TTC39B: variants seen among roughly 807,000 people sequenced by gnomAD.
The protein encoded by TTC39B is tetratricopeptide repeat domain 39B, also known as tetratricopeptide repeat protein 39B.
Under a neutral mutation model 96.6 loss-of-function variants are expected in TTC39B, and 92 were observed. The observed-to-expected ratio is 0.95, with a 90% CI of 0.80 to 1.13. The LOEUF is 1.13. Ranked by LOEUF, TTC39B falls within the 50% of genes most tolerant of loss-of-function variation. The probability of loss-of-function intolerance (pLI) is 0.00; values close to 1 mark genes in which losing one functional copy is unlikely to be tolerated. For missense variants in TTC39B, 955 were observed against 809.3 expected, an observed-to-expected ratio of 1.18 and a Z score of -2.18; for synonymous variants, 367 against 299.4, an observed-to-expected ratio of 1.23 and a Z score of -2.33.
chr9:15,252,109 T>C (rs1822582912), intron 2 of TTC39B, among the ~76,000 whole-genome samples: 1 of 152,138 alleles, frequency 6.6e-6, no homozygotes, highest in Admixed American at 6.5e-5. Context: ...AAGTTCAGGC[T>C]TTTTCAAGGA....
intron 2 of TTC39B, among the ~76,000 whole-genome samples, chr9:15,228,462 C>T (rs1023551004): frequency 6.7e-6 from 1 of 149,146 alleles, no homozygotes; most frequent in Non-Finnish European, 1.5e-5. Flanking sequence ...GACACTCCAT[C>T]TCAAAAAATA....
chr9:15,263,000 C>CA (rs2131540138), intron 2 of TTC39B, among the ~76,000 whole-genome samples: 1 of 152,276 alleles, frequency 6.6e-6, no homozygotes, highest in African/African-American at 2.4e-5. Flanking sequence ...TTAGGACAAA[C>CA]AAAAAGTTCA....
At chr9:15,187,972 T>G (rs1223053366) in exon 14 of TTC39B, 1 of 1,584,094 alleles carries the variant, frequency 6.3e-7, no homozygotes, top group Non-Finnish European at 8.6e-7. Flanking sequence ...GCACTTTACC[T>G]TGGACCATTT....
chr9:15,167,001 TATATATATATATATATA>T (rs1564299722), exon 20 of TTC39B: 185 of 10,680 alleles, frequency 0.017, 28 homozygotes, highest in Non-Finnish European at 0.02. Context: ...TATATATATA[TATATATATATATATATA>T]TATATATATA....
intron 6 of TTC39B, among the ~76,000 whole-genome samples, chr9:15,205,398 C>T (rs896301957): frequency 6.6e-6 from 1 of 152,114 alleles, no homozygotes; most frequent in Admixed American, 6.5e-5. Flanking sequence ...GCCACCCCCA[C>T]CCTACACACA....
intron 8 of TTC39B, among the ~76,000 whole-genome samples, chr9:15,193,686 A>G (rs1485862588): frequency 2.6e-5 from 4 of 152,162 alleles, no homozygotes; most frequent in Admixed American, 2.6e-4. Context: ...AGCTCAATCA[A>G]TTTCTTCTGA....
intron 17 of TTC39B, 56 bp downstream of exon 17, chr9:15,182,251 G>A (rs1588850648): frequency 9.9e-6 from 11 of 1,106,484 alleles, no homozygotes; most frequent in East Asian, 2.5e-5. Flanking sequence ...GAAAAGACAG[G>A]AGAGCAGTCA....
chr9:15,171,415 C>T (rs1035960301), exon 20 of TTC39B: 1 of 152,040 alleles, frequency 6.6e-6, no homozygotes, highest in African/African-American at 2.4e-5. Flanking sequence ...CACCTTTAAT[C>T]AAATGAAGAG....
At position 15,306,119 on chromosome 9, in the gene TTC39B, T is replaced by G. The variant is rs569971610; in HGVS notation, c.240+965A>C. ...CCGCCTCCTCCAGATCGTCCACTAT[T>G]GCATCATTTGAAACCAAAGCCTTCT... On this transcript the variant is annotated intron_variant, in intron 1 of 19. Coordinates refer to ENST00000512701, the Ensembl canonical transcript of TTC39B. This position sits in a 1 kb window ranked among gnomAD's most constrained non-coding sequence, Gnocchi z 5.1. 9.8e-5 allele frequency among the ~76,000 whole-genome samples: 15 copies of G among 152,298 alleles called. No individual in the cohort carries two copies. The highest frequency in any genetic ancestry group is 3.4e-3 in the Middle Eastern group (1 of 294).
intron 2 of TTC39B, among the ~76,000 whole-genome samples, chr9:15,239,862 A>G (rs1040910296): frequency 2.6e-5 from 4 of 152,226 alleles, no homozygotes; most frequent in African/African-American, 7.2e-5. Context: ...ACCATTATGC[A>G]ATATACCCAT....
At chr9:15,168,656 C>G (rs1027471029) in exon 20 of TTC39B, 1 of 152,158 alleles carries the variant, frequency 6.6e-6, no homozygotes, top group South Asian at 2.1e-4. Context: ...ACTCAAAATA[C>G]AAAAAATTAG....
intron 14 of TTC39B, 90 bp from the exon 15 acceptor site, chr9:15,187,125 G>T: frequency 1.1e-6 from 1 of 911,788 alleles, no homozygotes; most frequent in Non-Finnish European, 1.6e-6. Flanking sequence ...AAGTCTTCCA[G>T]ATATAAAATT....
At chr9:15,215,194 T>G (rs1176902855) in intron 3 of TTC39B, among the ~76,000 whole-genome samples, 2 of 152,190 alleles carry the variant, frequency 1.3e-5, no homozygotes, top group African/African-American at 4.8e-5. Context: ...GTGGCTGTAG[T>G]GAGCCATGAT....
chr9:15,260,605 G>A (rs1043434004), intron 2 of TTC39B, among the ~76,000 whole-genome samples: 1 of 143,310 alleles, frequency 7.0e-6, no homozygotes, highest in Admixed American at 6.7e-5. Context: ...ATCACCAACT[G>A]ATCTAACCTA....
At chr9:15,185,484 G>A in intron 15 of TTC39B, 78 bp from the exon 16 acceptor site, 1 of 1,577,428 alleles carries the variant, frequency 6.3e-7, no homozygotes, top group African/African-American at 1.4e-5. Flanking sequence ...TTTTCACAGT[G>A]AACTTCACAG....
exon 20 of TTC39B, chr9:15,166,744 G>A (rs904583764): frequency 6.6e-6 from 1 of 151,722 alleles, no homozygotes; most frequent in African/African-American, 2.4e-5. Flanking sequence ...GACTCGGGGA[G>A]GAAGGACTAG....
At chr9:15,236,947 G>C (rs1339701182) in intron 2 of TTC39B, among the ~76,000 whole-genome samples, 1 of 151,682 alleles carries the variant, frequency 6.6e-6, no homozygotes. Flanking sequence ...CCAACCCAAA[G>C]CTAGCAGAAG....
At chr9:15,283,628 T>C (rs1028311940) in intron 1 of TTC39B, among the ~76,000 whole-genome samples, 22 of 152,046 alleles carry the variant, frequency 1.4e-4, no homozygotes, top group African/African-American at 4.1e-4. Context: ...GGAAAAAAAA[T>C]TGTAGGATTT....
At chr9:15,167,191 C>A (rs1279340990) in exon 20 of TTC39B, 3 of 132,032 alleles carry the variant, frequency 2.3e-5, no homozygotes, top group Non-Finnish European at 3.2e-5. Flanking sequence ...TGCACTCCAC[C>A]ATGCACGGCT....
Sources: allele counts gnomAD v4.1 joint callset (sites outside exome capture counted in the v4.1 genomes callset), GRCh38; gene constraint gnomAD v4.1.1; non-coding constraint Gnocchi (gnomAD v3.1); transcripts MANE v1.5; gene names NCBI Gene and HGNC (gene_info 2026-07-23, HGNC 2026-07-21).